ZNF804B: variants seen among roughly 807,000 people sequenced by gnomAD.
ZNF804B encodes zinc finger protein 804B.
A neutral mutation model predicts 101.4 loss-of-function variants in ZNF804B; 80 were observed. That is an observed-to-expected ratio of 0.79 (90% CI 0.66 to 0.95). ZNF804B has a LOEUF of 0.95. Among genes scored for constraint, ZNF804B ranks in the 40% least tolerant of loss-of-function variants. The probability of loss-of-function intolerance (pLI) is 0.00; values close to 1 mark genes in which losing one functional copy is unlikely to be tolerated. For synonymous variants in ZNF804B, 622 were observed against 558.8 expected, an observed-to-expected ratio of 1.11 and a Z score of -1.59; for missense variants, 1,673 against 1,561.9, an observed-to-expected ratio of 1.07 and a Z score of -1.20.
chr7:89,306,475 T>A (rs1475243435), intron 2 of ZNF804B, among the ~76,000 whole-genome samples: 1 of 143,204 alleles, frequency 7.0e-6, no homozygotes, highest in African/African-American at 2.5e-5. Context: ...TAAAACATTG[T>A]CATCTCAACT....
intron 1 of ZNF804B, chr7:88,795,184 T>A (rs1790460251): frequency 2.9e-6 from 1 of 342,014 alleles, no homozygotes; most frequent in East Asian, 4.6e-5. Context: ...AACTATAGAC[T>A]TTTTTAAAAG....
intron 1 of ZNF804B, among the ~76,000 whole-genome samples, chr7:89,009,348 T>G (rs114301889): frequency 0.02 from 3,078 of 152,278 alleles, 116 homozygotes; most frequent in African/African-American, 0.07. Context: ...ATCAAATATA[T>G]GTATCCACTC....
At chr7:89,333,179 A>G (rs1001969169) in intron 3 of ZNF804B, among the ~76,000 whole-genome samples, 184 bp from the exon 4 acceptor site, 1 of 152,112 alleles carries the variant, frequency 6.6e-6, no homozygotes, top group African/African-American at 2.4e-5. Context: ...TAAACAATTC[A>G]TTTTAGAAAT....
intron 1 of ZNF804B, among the ~76,000 whole-genome samples, chr7:89,070,283 G>A (rs906372773): frequency 6.6e-6 from 1 of 152,092 alleles, no homozygotes; most frequent in East Asian, 1.9e-4. Flanking sequence ...TGCAAAAGGC[G>A]CTGGCTTGAG....
chr7:88,821,263 A>C (rs1479440303), intron 1 of ZNF804B, among the ~76,000 whole-genome samples: 1 of 152,194 alleles, frequency 6.6e-6, no homozygotes, highest in Non-Finnish European at 1.5e-5. Flanking sequence ...TCTAGCGAGC[A>C]TTGCTAAGTG....
chr7:89,177,114 C>T (rs560093278), intron 1 of ZNF804B, among the ~76,000 whole-genome samples: 5 of 151,822 alleles, frequency 3.3e-5, no homozygotes, highest in African/African-American at 1.2e-4. Context: ...ATTTTTTGTT[C>T]GAATTTATTT....
At chr7:88,774,090 G>C (rs1387413245) in intron 1 of ZNF804B, among the ~76,000 whole-genome samples, 1 of 151,970 alleles carries the variant, frequency 6.6e-6, no homozygotes, top group Non-Finnish European at 1.5e-5. Context: ...GTTGTCATGG[G>C]TCAGTTGACT....
chr7:89,227,686 C>T (rs1789116421), intron 2 of ZNF804B, among the ~76,000 whole-genome samples: 1 of 152,014 alleles, frequency 6.6e-6, no homozygotes, highest in Admixed American at 6.5e-5. Context: ...GAAGGAGCAA[C>T]CCATAGAGCC....
chr7:89,111,557 T>G (rs1790218787), intron 1 of ZNF804B, among the ~76,000 whole-genome samples: 1 of 152,222 alleles, frequency 6.6e-6, no homozygotes, highest in Non-Finnish European at 1.5e-5. Flanking sequence ...TTTTTCACAC[T>G]TTTTAGTTGT....
intron 1 of ZNF804B, among the ~76,000 whole-genome samples, chr7:89,080,467 TC>T (rs1357072742): frequency 6.6e-6 from 1 of 151,972 alleles, no homozygotes; most frequent in African/African-American, 2.4e-5. Flanking sequence ...AAGTAATACT[TC>T]CGTTCTGAGA....
At chr7:88,849,887 T>C (rs1791427861) in intron 1 of ZNF804B, among the ~76,000 whole-genome samples, 1 of 151,870 alleles carries the variant, frequency 6.6e-6, no homozygotes, top group Non-Finnish European at 1.5e-5. Context: ...ACTTATGGAG[T>C]TAAGTTCTCC....
At chr7:88,917,341 TG>T (rs1792650686) in intron 1 of ZNF804B, among the ~76,000 whole-genome samples, 1 of 152,188 alleles carries the variant, frequency 6.6e-6, no homozygotes, top group South Asian at 2.1e-4. Context: ...TGTCATTGTT[TG>T]GTTGGAACAT....
Position 88,844,494 on chromosome 7 carries a change from T to C in ZNF804B, c.108+84410T>C, listed in dbSNP as rs554452724. Among the ~76,000 whole-genome samples the C allele has an allele frequency of 2.6e-5, 4 of 152,352 alleles. No individual in the cohort carries two copies. In the East Asian group the frequency reaches 7.7e-4, roughly 29 times the overall value. ...ATCCAATCTGTTTCTCTACTCCCTG[T>C]ATTATTGATAAACAAGAAGTTAGAT... On this transcript the variant is annotated intron_variant, in intron 1 of 3. Transcript: ENST00000333190.
chr7:88,938,326 C>G (rs910917973), intron 1 of ZNF804B, among the ~76,000 whole-genome samples: 1 of 151,874 alleles, frequency 6.6e-6, no homozygotes, highest in African/African-American at 2.4e-5. Flanking sequence ...CTTAGTTAAT[C>G]TCTTTAGGAT....
intron 1 of ZNF804B, among the ~76,000 whole-genome samples, chr7:88,761,515 C>T (rs1486362854): frequency 6.6e-6 from 1 of 152,210 alleles, no homozygotes; most frequent in African/African-American, 2.4e-5. Flanking sequence ...CAGCAAACCA[C>T]TTTAATGTTT....
At chr7:88,879,855 A>G (rs1562821259) in intron 1 of ZNF804B, among the ~76,000 whole-genome samples, 1 of 152,102 alleles carries the variant, frequency 6.6e-6, no homozygotes, top group Non-Finnish European at 1.5e-5. Context: ...CCTGGGAAAC[A>G]TGGTGAAACC....
chr7:88,879,374 A>T (rs1405663906), intron 1 of ZNF804B, among the ~76,000 whole-genome samples: 1 of 152,228 alleles, frequency 6.6e-6, no homozygotes, highest in Non-Finnish European at 1.5e-5. Flanking sequence ...CATATAGTAC[A>T]TAAACATTTA....
intron 1 of ZNF804B, among the ~76,000 whole-genome samples, chr7:88,964,061 A>C (rs967738802): frequency 6.6e-6 from 1 of 151,406 alleles, no homozygotes; most frequent in Admixed American, 6.6e-5. Context: ...GAGAAATTGA[A>C]ACACTTGTGC....
intron 1 of ZNF804B, among the ~76,000 whole-genome samples, chr7:89,098,564 G>A (rs937600890): frequency 4.6e-5 from 7 of 151,976 alleles, no homozygotes; most frequent in African/African-American, 1.7e-4. Context: ...GAGCCATTGC[G>A]TCCGGCCCAT....
Sources: gnomAD v4.1 joint callset for allele counts (sites outside exome capture counted in the v4.1 genomes callset) on GRCh38, gnomAD v4.1.1 for gene constraint, MANE v1.5 for transcripts, NCBI Gene and HGNC (gene_info 2026-07-23, HGNC 2026-07-21) for gene names.